Variants in FHIT observed in about 807,000 individuals in gnomAD.
The protein encoded by FHIT is fragile histidine triad diadenosine triphosphatase.
A neutral mutation model predicts 17.9 loss-of-function variants in FHIT; 19 were observed. That is an observed-to-expected ratio of 1.06 (90% CI 0.74 to 1.56). The LOEUF (loss-of-function observed/expected upper bound fraction) is 1.56. Ranked by LOEUF, FHIT falls within the 40% of genes most tolerant of loss-of-function variation. The probability of loss-of-function intolerance (pLI) is 0.00; values close to 1 mark genes in which losing one functional copy is unlikely to be tolerated. For missense variants in FHIT, 248 were observed against 189.2 expected (o/e 1.31, Z -1.82); for synonymous variants, 81 against 69.7 (o/e 1.16, Z -0.81).
intron 5 of FHIT, among the ~76,000 whole-genome samples, chr3:60,097,280 T>G (rs926540136): frequency 6.6e-6 from 1 of 151,992 alleles, no homozygotes; most frequent in African/African-American, 2.4e-5. Context: ...TTAAATGGAA[T>G]AGTAGGAAGG....
At chr3:59,996,823 T>G (rs1342813384) in intron 7 of FHIT, among the ~76,000 whole-genome samples, 1 of 152,120 alleles carries the variant, frequency 6.6e-6, no homozygotes, top group African/African-American at 2.4e-5. Flanking sequence ...TGAGAAGCCA[T>G]TCTATTGCTG....
At chr3:61,070,874 G>A (rs1172026147) in intron 2 of FHIT, among the ~76,000 whole-genome samples, 1 of 152,026 alleles carries the variant, frequency 6.6e-6, no homozygotes, top group Non-Finnish European at 1.5e-5. Flanking sequence ...GTGAATTATT[G>A]GCATATTCAG....
intron 8 of FHIT, among the ~76,000 whole-genome samples, chr3:59,769,924 G>GAAATGACAGTAGAAGGAATTCTGATGGTC (rs1267688305): frequency 6.6e-6 from 1 of 152,198 alleles, no homozygotes; most frequent in African/African-American, 2.4e-5. Context: ...AAACTGAGGA[G>GAAATGACAGTAGAAGGAATTCTGATGGTC]AAATGACAGT....
At chr3:61,152,937 A>T (rs2037435551) in intron 2 of FHIT, among the ~76,000 whole-genome samples, 1 of 152,060 alleles carries the variant, frequency 6.6e-6, no homozygotes, top group Non-Finnish European at 1.5e-5. Context: ...AGATCAGGAG[A>T]TCGAGACCAT....
intron 7 of FHIT, among the ~76,000 whole-genome samples, chr3:60,003,858 CT>C (rs35165735): frequency 0.39 from 55,887 of 144,940 alleles, 10,930 homozygotes; most frequent in East Asian, 0.46. Flanking sequence ...ATTTATTTTA[CT>C]TTTTTTTTTT....
chr3:60,976,020 A>G (rs1710218462), intron 3 of FHIT, among the ~76,000 whole-genome samples: 1 of 151,600 alleles, frequency 6.6e-6, no homozygotes, highest in Admixed American at 6.6e-5. Flanking sequence ...AAATATTTTC[A>G]TAAAGCATTT....
At chr3:60,279,816 G>C (rs967726348) in intron 5 of FHIT, among the ~76,000 whole-genome samples, 2 of 151,932 alleles carry the variant, frequency 1.3e-5, no homozygotes, top group African/African-American at 4.8e-5. Flanking sequence ...CAGATCAGGA[G>C]GTCAGGAGAT....
intron 5 of FHIT, among the ~76,000 whole-genome samples, chr3:60,068,239 A>T (rs1702606372): frequency 6.7e-6 from 1 of 150,158 alleles, no homozygotes; most frequent in Non-Finnish European, 1.5e-5. Flanking sequence ...TGCCTCAAAA[A>T]AAACAAAACA....
chr3:60,343,959 G>C (rs1054278431), intron 5 of FHIT, among the ~76,000 whole-genome samples: 1 of 152,082 alleles, frequency 6.6e-6, no homozygotes, highest in African/African-American at 2.4e-5. Flanking sequence ...ATAATTTAAT[G>C]CAACAGCTCC....
At chr3:60,383,841 T>C (rs1700902782) in intron 5 of FHIT, among the ~76,000 whole-genome samples, 1 of 152,232 alleles carries the variant, frequency 6.6e-6, no homozygotes, top group Non-Finnish European at 1.5e-5. Flanking sequence ...TAACCCATCA[T>C]CAACCTTTAA....
Position 60,135,920 on chromosome 3 carries a change from C to T in FHIT, c.104-121768G>A, listed in dbSNP as rs150870571. Among the ~76,000 whole-genome samples the T allele has an allele frequency of 5.4e-3, 816 of 152,210 alleles. 3 individuals carry two copies. The highest frequency in any genetic ancestry group is 0.019 in the African/African-American group (769 of 41,536). The stretch of plus-strand genomic sequence containing the variant: ...TAAATCCACCTAAACTGTCCATCAT[C>T]GCCCCCTCCCCACCAACAATGCTCT... On this transcript the variant is annotated intron_variant, in intron 5 of 9. Coordinates refer to ENST00000492590, the MANE Select transcript of FHIT (RefSeq NM_002012.4).
At chr3:60,661,785 G>A (rs556754242) in intron 4 of FHIT, among the ~76,000 whole-genome samples, 13 of 152,220 alleles carry the variant, frequency 8.5e-5, no homozygotes, top group South Asian at 4.2e-4. Context: ...GTTTTGACTC[G>A]CATGTTCCTA....
intron 3 of FHIT, among the ~76,000 whole-genome samples, chr3:60,976,613 A>G (rs1710264620): frequency 6.6e-6 from 1 of 152,226 alleles, no homozygotes; most frequent in Non-Finnish European, 1.5e-5. Flanking sequence ...CTGTTGTTTC[A>G]TCACTGTTTC....
chr3:60,734,434 G>A (rs953580435), intron 4 of FHIT, among the ~76,000 whole-genome samples: 1 of 152,066 alleles, frequency 6.6e-6, no homozygotes, highest in African/African-American at 2.4e-5. Flanking sequence ...GTCTTGCTTT[G>A]TGCAGGAGTG....
At chr3:60,083,464 T>A (rs987618537) in intron 5 of FHIT, among the ~76,000 whole-genome samples, 48 of 152,276 alleles carry the variant, frequency 3.2e-4, no homozygotes, top group Middle Eastern at 3.4e-3. Flanking sequence ...ATGTGAATAG[T>A]CTTTTCTAAT....
At chr3:60,270,241 G>A (rs894206317) in intron 5 of FHIT, among the ~76,000 whole-genome samples, 13 of 152,268 alleles carry the variant, frequency 8.5e-5, no homozygotes, top group Admixed American at 3.3e-4. Flanking sequence ...CACAGACTCC[G>A]ACCACAACTG....
At chr3:60,097,074 G>C (rs953113606) in intron 5 of FHIT, among the ~76,000 whole-genome samples, 11 of 147,978 alleles carry the variant, frequency 7.4e-5, no homozygotes, top group Admixed American at 6.8e-5. Flanking sequence ...TAAAGAATTA[G>C]GGTCTCCATG....
At chr3:60,639,955 C>A (rs183619793) in intron 4 of FHIT, among the ~76,000 whole-genome samples, 1 of 152,102 alleles carries the variant, frequency 6.6e-6, no homozygotes, top group Non-Finnish European at 1.5e-5. Context: ...TACTATTCTG[C>A]AATAAAAAGG....
intron 2 of FHIT, among the ~76,000 whole-genome samples, chr3:61,131,144 C>A (rs1398330884): frequency 2.6e-5 from 4 of 152,186 alleles, no homozygotes; most frequent in Non-Finnish European, 5.9e-5. Flanking sequence ...AACAACTCAA[C>A]AGGTAAAAAT....
Sources: allele counts gnomAD v4.1 joint callset (sites outside exome capture counted in the v4.1 genomes callset), GRCh38; gene constraint gnomAD v4.1.1; transcripts MANE v1.5; gene names NCBI Gene and HGNC (gene_info 2026-07-23, HGNC 2026-07-21).